The following FCHSD2 variants were observed in gnomAD, a reference collection of about 807,000 sequenced individuals.
The protein encoded by FCHSD2 is FCH and double SH3 domains 2.
Under a neutral mutation model 108.1 loss-of-function variants are expected in FCHSD2, and 38 were observed. The observed-to-expected ratio is 0.35, with a 90% confidence interval of 0.27 to 0.46. The LOEUF (loss-of-function observed/expected upper bound fraction) is 0.46, where lower values mean the gene tolerates loss of function less well. FCHSD2 is among the 20% of genes least tolerant of loss of function. The probability of loss-of-function intolerance (pLI) is 1.00; values close to 1 mark genes in which losing one functional copy is unlikely to be tolerated. For missense variants in FCHSD2, 751 were observed against 897.8 expected, an observed-to-expected ratio of 0.84 and a Z score of 2.09; for synonymous variants, 279 against 314.7, an observed-to-expected ratio of 0.89 and a Z score of 1.20.
In FCHSD2 at chr11:72,945,992, T is replaced by C. The variant is rs779024938; in HGVS notation, c.706-24042A>G. ...CCATTGTGGAAGTCAGTGTGGCGAT[T>C]CCTCAGGGATCTAGAACTAGAAATA... On this transcript the variant is annotated intron_variant, in intron 8 of 19. Transcript: ENST00000409418. Among the ~76,000 whole-genome samples, 10 of 152,294 alleles carry C rather than the reference T, an allele frequency of 6.6e-5. 1 individual carries two copies. The highest frequency in any genetic ancestry group is 6.2e-4 in the South Asian group (3 of 4,830).
At chr11:73,053,220 A>G (rs1358928619) in intron 3 of FCHSD2, among the ~76,000 whole-genome samples, 2 of 151,466 alleles carry the variant, frequency 1.3e-5, no homozygotes, top group Admixed American at 6.6e-5. Flanking sequence ...ATTTGTTGAA[A>G]AATTATCACT....
chr11:73,025,686 A>C (rs1019870324), intron 3 of FCHSD2, among the ~76,000 whole-genome samples: 1 of 152,192 alleles, frequency 6.6e-6, no homozygotes, highest in Non-Finnish European at 1.5e-5. Flanking sequence ...AAAATTTTTT[A>C]AATCTCCTTG....
chr11:73,017,192 C>T (rs923868219), intron 3 of FCHSD2, among the ~76,000 whole-genome samples: 16 of 152,142 alleles, frequency 1.1e-4, no homozygotes, highest in African/African-American at 3.9e-4. Context: ...CCATGTTGCC[C>T]ATGGCTCAAC....
At chr11:72,997,988 C>T (rs985523757) in intron 5 of FCHSD2, among the ~76,000 whole-genome samples, 4 of 152,056 alleles carry the variant, frequency 2.6e-5, no homozygotes, top group Admixed American at 6.6e-5. Flanking sequence ...CTACCACTCC[C>T]GTCCCCAAAA....
chr11:73,042,378 G>C (rs1412954430), intron 3 of FCHSD2, among the ~76,000 whole-genome samples: 1 of 152,162 alleles, frequency 6.6e-6, no homozygotes, highest in Non-Finnish European at 1.5e-5. Context: ...AAATATGTGA[G>C]TTTATTTCTA....
intron 2 of FCHSD2, among the ~76,000 whole-genome samples, chr11:73,133,834 G>T (rs911225614): frequency 2.2e-5 from 3 of 133,926 alleles, no homozygotes; most frequent in Non-Finnish European, 4.8e-5. Context: ...TATGCCAAAA[G>T]AAACCAGTCG....
At position 73,133,364 on chromosome 11, in the gene FCHSD2, C is replaced by G. The variant is rs1861047798; in HGVS notation, c.119+6667G>C. ...ATAATAGTAAAAAGTAGAAACAACCCATATCTCTGTCAACTGATGAAGGGA... is the reference window on the plus strand; with the variant it reads ...ATAATAGTAAAAAGTAGAAACAACCGATATCTCTGTCAACTGATGAAGGGA... On this transcript the variant is annotated intron_variant, in intron 2 of 19. Transcript: ENST00000409418. 4.6e-5 allele frequency among the ~76,000 whole-genome samples: 7 copies of G among 152,144 alleles called. No homozygotes were observed. In the South Asian group the frequency reaches 1.4e-3, roughly 31 times the overall value.
intron 10 of FCHSD2, 44 bp from the exon 11 acceptor site, chr11:72,889,989 AT>A (rs2135250869): frequency 8.1e-7 from 1 of 1,228,858 alleles, no homozygotes; most frequent in Non-Finnish European, 1.2e-6. Context: ...TGCTATCCTT[AT>A]TGTAACCACT....
chr11:73,038,420 C>G (rs77393561), intron 3 of FCHSD2, among the ~76,000 whole-genome samples: 1 of 151,676 alleles, frequency 6.6e-6, no homozygotes, highest in African/African-American at 2.4e-5. Context: ...TTTATCCAGT[C>G]GAATCCTCTC....
At chr11:73,133,154 T>G (rs1284560221) in intron 2 of FCHSD2, among the ~76,000 whole-genome samples, 1 of 152,228 alleles carries the variant, frequency 6.6e-6, no homozygotes, top group African/African-American at 2.4e-5. Context: ...GGACCCATCA[T>G]GTATTATTGC....
intron 2 of FCHSD2, among the ~76,000 whole-genome samples, chr11:73,084,894 C>T (rs999338811): frequency 1.6e-4 from 24 of 150,676 alleles, no homozygotes; most frequent in Admixed American, 1.3e-3. Context: ...CGTTATGTGC[C>T]AGGAATCGGT....
At chr11:72,986,258 G>A (rs1857309439) in intron 6 of FCHSD2, among the ~76,000 whole-genome samples, 1 of 151,922 alleles carries the variant, frequency 6.6e-6, no homozygotes, top group African/African-American at 2.4e-5. Flanking sequence ...TGCCCAGGTC[G>A]GAGTGCAGTG....
intron 9 of FCHSD2, among the ~76,000 whole-genome samples, chr11:72,914,962 A>ATT (rs1484667611): frequency 2.1e-4 from 9 of 41,918 alleles, no homozygotes; most frequent in Non-Finnish European, 2.8e-4. Context: ...ACAGAATGGG[A>ATT]ATTTTTTTTT....
At chr11:72,854,868 T>C (rs1429406406) in intron 13 of FCHSD2, among the ~76,000 whole-genome samples, 1 of 152,204 alleles carries the variant, frequency 6.6e-6, no homozygotes, top group Non-Finnish European at 1.5e-5. Context: ...CCAGGCACGG[T>C]GGCTCATGCC....
intron 8 of FCHSD2, among the ~76,000 whole-genome samples, chr11:72,954,206 T>A (rs1299946214): frequency 5.0e-5 from 7 of 139,146 alleles, no homozygotes; most frequent in Admixed American, 1.4e-4. Context: ...ATTTTTTTTT[T>A]TTTTTTTTTT....
chr11:72,883,814 C>G (rs1357394707), intron 12 of FCHSD2, among the ~76,000 whole-genome samples: 1 of 151,992 alleles, frequency 6.6e-6, no homozygotes, highest in Non-Finnish European at 1.5e-5. Context: ...CGCCTGTATT[C>G]CCAGCTACTC....
chr11:73,118,144 C>G (rs951749535), intron 2 of FCHSD2, among the ~76,000 whole-genome samples: 1 of 152,058 alleles, frequency 6.6e-6, no homozygotes, highest in Non-Finnish European at 1.5e-5. Flanking sequence ...CATGGTAACA[C>G]CCCATCTCTA....
intron 10 of FCHSD2, among the ~76,000 whole-genome samples, chr11:72,898,885 A>G (rs868621107): frequency 6.6e-6 from 1 of 151,970 alleles, no homozygotes; most frequent in Non-Finnish European, 1.5e-5. Flanking sequence ...GTGTGCTACC[A>G]TGCCCAGCTA....
chr11:73,048,057 A>C (rs1440613012), intron 3 of FCHSD2, among the ~76,000 whole-genome samples: 1 of 151,780 alleles, frequency 6.6e-6, no homozygotes, highest in South Asian at 2.1e-4. Context: ...GTTATTTCTA[A>C]AAAGGCAGGA....
Sources: allele counts gnomAD v4.1 joint callset (sites outside exome capture counted in the v4.1 genomes callset), GRCh38; gene constraint gnomAD v4.1.1; transcripts MANE v1.5; gene names NCBI Gene and HGNC (gene_info 2026-07-23, HGNC 2026-07-21).